FAF1: variants seen among roughly 807,000 people sequenced by gnomAD.
FAF1 encodes Fas associated factor 1.
In FAF1, 25 loss-of-function variants were observed where a neutral mutation model predicts 92.5. That is an observed-to-expected ratio of 0.27 (90% CI 0.20 to 0.38). FAF1 has a LOEUF of 0.38. FAF1 is among the 10% of genes least tolerant of loss of function. The probability of loss-of-function intolerance (pLI) is 1.00; values close to 1 mark genes in which losing one functional copy is unlikely to be tolerated. For synonymous variants in FAF1, 234 were observed against 273.2 expected, an observed-to-expected ratio of 0.86 and a Z score of 1.42; for missense variants, 636 against 793.3, an observed-to-expected ratio of 0.80 and a Z score of 2.38.
At chr1:50,894,371 G>A (rs369863216) in intron 1 of FAF1, among the ~76,000 whole-genome samples, 1 of 150,090 alleles carries the variant, frequency 6.7e-6, no homozygotes, top group East Asian at 2.0e-4. Flanking sequence ...AATGCTGTCA[G>A]GCCTGGGACT....
intron 9 of FAF1, among the ~76,000 whole-genome samples, chr1:50,588,921 G>A (rs1415776980): frequency 1.3e-5 from 2 of 152,204 alleles, no homozygotes; most frequent in African/African-American, 4.8e-5. Context: ...CAGGAGATGG[G>A]CAAGACTGTA....
chr1:50,594,798 G>A (rs1167875866), intron 9 of FAF1, among the ~76,000 whole-genome samples: 2 of 150,634 alleles, frequency 1.3e-5, no homozygotes, highest in African/African-American at 2.4e-5. Flanking sequence ...TTGAACCTGG[G>A]AGGTGGAGGT....
chr1:50,460,760 T>C (rs1039074633), intron 18 of FAF1, among the ~76,000 whole-genome samples: 1 of 151,238 alleles, frequency 6.6e-6, no homozygotes, highest in African/African-American at 2.4e-5. Flanking sequence ...CACTCTCAAG[T>C]ATCTGGAACT....
intron 4 of FAF1, among the ~76,000 whole-genome samples, chr1:50,748,448 G>C (rs571780167): frequency 2.1e-5 from 3 of 146,116 alleles, no homozygotes; most frequent in Admixed American, 7.0e-5. Context: ...AGTGAGCCAA[G>C]ATTGCACCAC....
At chr1:50,523,751 C>G (rs1046630151) in intron 15 of FAF1, among the ~76,000 whole-genome samples, 3 of 152,098 alleles carry the variant, frequency 2.0e-5, no homozygotes, top group Non-Finnish European at 4.4e-5. Flanking sequence ...TATAGTACTC[C>G]ATGGTGTATA....
chr1:50,713,155 CAAAAAAA>C (rs371395514), intron 6 of FAF1, among the ~76,000 whole-genome samples: 360 of 46,518 alleles, frequency 7.7e-3, no homozygotes, highest in Non-Finnish European at 0.013. Flanking sequence ...GCCAGACCCT[CAAAAAAA>C]AAAAAAAAAA....
chr1:50,591,850 T>A (rs1000456420), intron 9 of FAF1, among the ~76,000 whole-genome samples: 6 of 152,182 alleles, frequency 3.9e-5, no homozygotes, highest in African/African-American at 1.4e-4. Context: ...AAATCATGCT[T>A]TTTTTCTCTG....
intron 8 of FAF1, among the ~76,000 whole-genome samples, chr1:50,608,497 C>T (rs1652529781): frequency 6.6e-6 from 1 of 152,192 alleles, no homozygotes; most frequent in South Asian, 2.1e-4. Flanking sequence ...CCATGTATGA[C>T]ATTTCTGTTC....
chr1:50,883,257 A>T (rs1242491976), intron 1 of FAF1, among the ~76,000 whole-genome samples: 1 of 152,214 alleles, frequency 6.6e-6, no homozygotes, highest in Non-Finnish European at 1.5e-5. Context: ...GCCTATACTG[A>T]ATTATAATAC....
intron 1 of FAF1, among the ~76,000 whole-genome samples, chr1:50,951,337 T>C (rs1410892594): frequency 6.6e-6 from 1 of 152,244 alleles, no homozygotes; most frequent in East Asian, 1.9e-4. Flanking sequence ...ACTGGTAAGC[T>C]TCAAATAGAT....
chr1:50,672,032 TTA>T (rs1491339367), intron 7 of FAF1, among the ~76,000 whole-genome samples: 5 of 143,260 alleles, frequency 3.5e-5, no homozygotes, highest in South Asian at 4.2e-4. Context: ...TTTTTTTTTT[TTA>T]TTATTTATTT....
At chr1:50,661,726 A>G (rs1484211611) in intron 7 of FAF1, among the ~76,000 whole-genome samples, 1 of 152,204 alleles carries the variant, frequency 6.6e-6, no homozygotes, top group Non-Finnish European at 1.5e-5. Flanking sequence ...AAGGCATACA[A>G]ACTAGGCTTA....
intron 9 of FAF1, among the ~76,000 whole-genome samples, chr1:50,589,020 C>T (rs927901555): frequency 1.3e-5 from 2 of 152,174 alleles, no homozygotes; most frequent in Non-Finnish European, 2.9e-5. Flanking sequence ...ATTAGACTAT[C>T]TGTGTATATG....
chr1:50,763,023 A>G (rs146710835), intron 4 of FAF1, among the ~76,000 whole-genome samples: 28 of 152,278 alleles, frequency 1.8e-4, no homozygotes, highest in African/African-American at 6.7e-4. Context: ...TGGGAGGCCA[A>G]GGCAGGTGAT....
intron 2 of FAF1, among the ~76,000 whole-genome samples, chr1:50,812,035 C>A (rs909057104): frequency 3.3e-4 from 50 of 152,118 alleles, no homozygotes; most frequent in African/African-American, 1.2e-3. Flanking sequence ...AACTGGGCCC[C>A]TTCCATACAG....
At chr1:50,878,582 G>T (rs1057113563) in intron 1 of FAF1, among the ~76,000 whole-genome samples, 5 of 152,098 alleles carry the variant, frequency 3.3e-5, no homozygotes, top group African/African-American at 4.8e-5. Flanking sequence ...AATCAATTTG[G>T]TATCCTCACC....
Position 50,538,188 on chromosome 1 carries a change from C to T in FAF1, c.1405+1404G>A, listed in dbSNP as rs577140489. Among the ~76,000 whole-genome samples, 3 of 145,732 alleles carry T rather than the reference C, an allele frequency of 2.1e-5. No individual in the cohort carries two copies. In the East Asian group the frequency reaches 5.8e-4, roughly 28 times the overall value. On this transcript the variant is annotated intron_variant, in intron 14 of 18. Coordinates refer to ENST00000396153, the MANE Select transcript of FAF1 (RefSeq NM_007051.3). ...ATAGTTTGCCTGTCAGTAATATTTT[C>T]AAGTAAAAATAATTTCTATAAGAAA...
intron 1 of FAF1, among the ~76,000 whole-genome samples, chr1:50,876,963 T>C (rs982005313): frequency 6.6e-6 from 1 of 152,162 alleles, no homozygotes; most frequent in African/African-American, 2.4e-5. Flanking sequence ...TGAGTCCAGA[T>C]AGATATAAAT....
chr1:50,792,324 T>C (rs1285607779), intron 3 of FAF1, among the ~76,000 whole-genome samples: 1 of 152,172 alleles, frequency 6.6e-6, no homozygotes, highest in South Asian at 2.1e-4. Context: ...ATTTTGCAGA[T>C]TGTAGAATTA....
Sources: allele counts gnomAD v4.1 joint callset (sites outside exome capture counted in the v4.1 genomes callset), GRCh38; gene constraint gnomAD v4.1.1; transcripts MANE v1.5; gene names NCBI Gene and HGNC (gene_info 2026-07-23, HGNC 2026-07-21).